Variants in SNX9 observed in about 807,000 individuals in gnomAD.
SNX9 encodes sorting nexin 9.
SNX9 carries 44 observed loss-of-function variants against 89.4 expected under a neutral mutation model. The ratio of observed to expected loss-of-function variants is 0.49; its 90% confidence interval spans 0.39 to 0.63. SNX9 has a LOEUF of 0.63. Among genes scored for constraint, SNX9 ranks in the 30% least tolerant of loss-of-function variants. SNX9 has a pLI of 0.00. For missense variants in SNX9, 578 were observed against 736.1 expected, an observed-to-expected ratio of 0.79 and a Z score of 2.49; for synonymous variants, 236 against 247.8, an observed-to-expected ratio of 0.95 and a Z score of 0.45.
At chr6:157,852,505 A>G (rs1269855459) in intron 1 of SNX9, among the ~76,000 whole-genome samples, 1 of 152,148 alleles carries the variant, frequency 6.6e-6, no homozygotes, top group Admixed American at 6.5e-5. Flanking sequence ...TGAACTTCAA[A>G]TACTACAGCA....
intron 17 of SNX9, 104 bp downstream of exon 17, chr6:157,941,078 G>A: frequency 7.9e-6 from 8 of 1,011,794 alleles, no homozygotes; most frequent in East Asian, 5.0e-5. Flanking sequence ...TTAATCCTAA[G>A]TAATAAACCA....
chr6:157,902,533 C>T (rs991376088), intron 6 of SNX9, among the ~76,000 whole-genome samples: 14 of 152,078 alleles, frequency 9.2e-5, no homozygotes, highest in Non-Finnish European at 8.8e-5. Context: ...AGAGACGCAT[C>T]GAGTGTTCCA....
At chr6:157,872,234 C>A (rs2115139383) in intron 2 of SNX9, among the ~76,000 whole-genome samples, 1 of 152,206 alleles carries the variant, frequency 6.6e-6, no homozygotes, top group South Asian at 2.1e-4. Flanking sequence ...CCAAGGATAG[C>A]AACTTCTATT....
At chr6:157,847,740 T>C (rs1362156679) in intron 1 of SNX9, among the ~76,000 whole-genome samples, 1 of 152,194 alleles carries the variant, frequency 6.6e-6, no homozygotes, top group African/African-American at 2.4e-5. Context: ...GCTAAAATCC[T>C]GTAACATATT....
At chr6:157,844,102 T>C (rs1474687918) in intron 1 of SNX9, among the ~76,000 whole-genome samples, 6 of 152,078 alleles carry the variant, frequency 3.9e-5, no homozygotes, top group Non-Finnish European at 1.5e-5. Context: ...CTCGAACTCC[T>C]GGCCCCAAGC....
In SNX9 at chr6:157,897,001, G is replaced by C; in HGVS notation, c.472+3G>C. On this transcript the variant is annotated splice_donor_region_variant and intron_variant, in intron 5 of 17. Transcript: ENST00000392185. ...CCCCCAGGCCTACCAAGGACCAGGT[G>C]AGGAGAGGGGTGCAAGGTCCCACCC... 1 of 1,582,816 alleles carries C rather than the reference G, an allele frequency of 6.3e-7. No individual in the cohort carries two copies. The highest frequency in any genetic ancestry group is 8.6e-7 in the Non-Finnish European group (1 of 1,169,430).
intron 4 of SNX9, among the ~76,000 whole-genome samples, chr6:157,881,398 G>T (rs956876498): frequency 6.6e-6 from 1 of 151,998 alleles, no homozygotes; most frequent in Non-Finnish European, 1.5e-5. Context: ...AGACACAACC[G>T]TATTTCAGTT....
chr6:157,929,903 A>G lies in SNX9; in HGVS notation c.1288+1201A>G, dbSNP rs1783773604. Among the ~76,000 whole-genome samples the G allele has an allele frequency of 2.6e-5, 4 of 152,350 alleles. No homozygotes were observed. In the South Asian group the frequency reaches 8.3e-4, roughly 32 times the overall value. On this transcript the variant is annotated intron_variant, in intron 12 of 17. Coordinates refer to ENST00000392185, the MANE Select transcript of SNX9 (RefSeq NM_016224.5). ...CAAAGCCTTACATCAGGAGTCAGTA[A>G]ACCATGGTCCGAGCACCATATTTGG... is the stretch of plus-strand genomic sequence containing the variant.
intron 4 of SNX9, among the ~76,000 whole-genome samples, chr6:157,894,808 G>T (rs1782946679): frequency 6.6e-6 from 1 of 152,158 alleles, no homozygotes; most frequent in African/African-American, 2.4e-5. Flanking sequence ...TAAATACACA[G>T]TCTCCTTAAG....
chr6:157,896,118 C>T (rs184329632), intron 4 of SNX9, among the ~76,000 whole-genome samples: 2 of 152,168 alleles, frequency 1.3e-5, no homozygotes, highest in East Asian at 1.9e-4. Context: ...GGAGGCTGCC[C>T]AGATTCATGA....
chr6:157,844,049 A>G (rs948884554), intron 1 of SNX9, among the ~76,000 whole-genome samples: 1 of 151,296 alleles, frequency 6.6e-6, no homozygotes, highest in Non-Finnish European at 1.5e-5. Context: ...TAATTTTTGT[A>G]TTTTTAGTAG....
intron 1 of SNX9, among the ~76,000 whole-genome samples, chr6:157,826,793 T>TA (rs1451386086): frequency 7.7e-4 from 86 of 111,352 alleles, no homozygotes; most frequent in South Asian, 1.5e-3. Flanking sequence ...ATATTATATA[T>TA]ATATATTATA....
At chr6:157,835,599 G>A (rs1391437185) in intron 1 of SNX9, among the ~76,000 whole-genome samples, 4 of 151,708 alleles carry the variant, frequency 2.6e-5, no homozygotes, top group Admixed American at 2.6e-4. Flanking sequence ...AATTGTAATC[G>A]CTGTAATCTC....
chr6:157,852,441 T>G (rs1270022577), intron 1 of SNX9, among the ~76,000 whole-genome samples: 1 of 152,142 alleles, frequency 6.6e-6, no homozygotes, highest in Non-Finnish European at 1.5e-5. Flanking sequence ...CTTCCTCCTC[T>G]CGCTACCATG....
intron 1 of SNX9, among the ~76,000 whole-genome samples, chr6:157,849,833 T>G (rs748424715): frequency 3.9e-5 from 6 of 152,134 alleles, no homozygotes; most frequent in Non-Finnish European, 7.4e-5. Context: ...TGGTGTGTTG[T>G]GTGCTCTTGG....
intron 2 of SNX9, among the ~76,000 whole-genome samples, chr6:157,869,995 C>T (rs1782359946): frequency 1.3e-5 from 2 of 152,092 alleles, no homozygotes; most frequent in South Asian, 4.1e-4. Context: ...TTCTCACTCT[C>T]ACCTCTCATG....
At chr6:157,936,456 C>G (rs1287658417) in intron 14 of SNX9, among the ~76,000 whole-genome samples, 1 of 152,108 alleles carries the variant, frequency 6.6e-6, no homozygotes, top group South Asian at 2.1e-4. Flanking sequence ...CTGCAGTGAG[C>G]CATGATCATA....
chr6:157,920,618 G>A (rs776768797), intron 9 of SNX9, among the ~76,000 whole-genome samples: 27 of 152,242 alleles, frequency 1.8e-4, no homozygotes, highest in Middle Eastern at 3.4e-3. Flanking sequence ...GTGGCCATTC[G>A]CCTTTTGTTG....
At chr6:157,900,284 G>A (rs1562610609) in intron 5 of SNX9, among the ~76,000 whole-genome samples, 1 of 152,094 alleles carries the variant, frequency 6.6e-6, no homozygotes, top group East Asian at 1.9e-4. Context: ...ATGTCAATTT[G>A]GGTCCTTTGT....
Sources: gnomAD v4.1 joint callset for allele counts (sites outside exome capture counted in the v4.1 genomes callset) on GRCh38, gnomAD v4.1.1 for gene constraint, MANE v1.5 for transcripts, NCBI Gene and HGNC (gene_info 2026-07-23, HGNC 2026-07-21) for gene names.